The following CDC42SE1 variants were observed in gnomAD, a reference collection of about 807,000 sequenced individuals.
CDC42SE1 encodes CDC42 small effector 1, also known as CDC42 small effector protein 1.
Under a neutral mutation model 10.9 loss-of-function variants are expected in CDC42SE1, and 10 were observed. The observed-to-expected ratio is 0.92, with a 90% CI of 0.57 to 1.56. CDC42SE1 has a LOEUF of 1.56. CDC42SE1 is among the 40% of genes most tolerant of loss of function. The pLI, the probability that CDC42SE1 is intolerant of heterozygous loss-of-function variation, is 0.00. For missense variants in CDC42SE1, 81 were observed against 100.8 expected (o/e 0.80, Z 0.84); for synonymous variants, 24 against 32.0 (o/e 0.75, Z 0.85).
rs986378340 is a variant in CDC42SE1 at position 151,057,781 on chromosome 1, C to G, written c.-264+1698G>C. On this transcript the variant is annotated intron_variant, in intron 1 of 4. Transcript: ENST00000357235. This position sits in a 1 kb window ranked among gnomAD's most constrained non-coding sequence, Gnocchi z 4.0. ...TTAACAGCCTTGAGATGAGATCACA[C>G]AAACACTCAAATGTAGCTTCTAGGG... 6.6e-6 allele frequency: 1 copy of G among 150,392 alleles called. No individual in the cohort carries two copies. The highest frequency in any genetic ancestry group is 6.6e-5 in the Admixed American group (1 of 15,054). 9.3% of individuals were successfully genotyped at this position (150,392 alleles called of 1,614,324 possible).
In CDC42SE1 at chr1:151,057,185, C is replaced by T. The variant is rs1676295002; in HGVS notation, c.-263-1192G>A. On this transcript the variant is annotated intron_variant, in intron 1 of 4. Transcript: ENST00000357235. The surrounding 1 kb of genome is among the most constrained non-coding windows in gnomAD (Gnocchi z 4.0). ...CATGAACAGGAATCTCCCTTTCTTG[C>T]AGGCCGGGAACCCTGATGCTTTGGC... Among the ~76,000 whole-genome samples the T allele has an allele frequency of 6.6e-6, 1 of 152,200 alleles. No homozygotes were observed. Among genetic ancestry groups the T allele is most frequent in the African/African-American group, 2.4e-5 (1 of 41,454 alleles).
At position 151,052,749 on chromosome 1, in the gene CDC42SE1, TAGAA is replaced by T. The variant is rs1676205574; in HGVS notation, c.*591_*594del. The T allele has an allele frequency of 3.9e-5, 6 of 152,326 alleles. No individual in the cohort carries two copies. In the South Asian group the frequency reaches 1.2e-3, roughly 32 times the overall value. 9.4% of individuals were successfully genotyped at this position (152,326 alleles called of 1,614,324 possible). A position where few individuals can be genotyped will look rare whatever the true frequency, so the allele number is the denominator to read the frequency against. On this transcript the variant is annotated 3_prime_UTR_variant, in exon 5 of 5. Coordinates refer to ENST00000357235, the MANE Select transcript of CDC42SE1 (RefSeq NM_020239.4). ...AGAAACAGAAGATTAGAGGCCTAAC[TAGAA>T]AGAGACACTGGTGTTAGCAGAGAGA...
rs1156736107 is a variant in CDC42SE1, at chr1:151,052,525, G to A, written c.*819C>T. 1 of 152,576 alleles carries A rather than the reference G, an allele frequency of 6.6e-6. No individual in the cohort carries two copies. Among genetic ancestry groups the A allele is most frequent in the Non-Finnish European group, 1.5e-5 (1 of 68,042 alleles). The allele number at this position is 152,576 out of a possible 1,614,324, so 9.5% of individuals were successfully genotyped here. On this transcript the variant is annotated 3_prime_UTR_variant, in exon 5 of 5. Coordinates refer to ENST00000357235, the MANE Select transcript of CDC42SE1 (RefSeq NM_020239.4). The stretch of plus-strand genomic sequence containing the variant: ...CAGCAGGGAGGTTGGCAGAGGGCAG[G>A]AAAGATGCCCCAAAACTTAAATGGA...
intron 4 of CDC42SE1, among the ~76,000 whole-genome samples, chr1:151,053,637 A>G (rs1264626568): frequency 6.6e-6 from 1 of 152,072 alleles, no homozygotes; most frequent in Non-Finnish European, 1.5e-5. Context: ...GTGTGCCATC[A>G]TGCCTGGCTA....
At position 151,057,743 on chromosome 1, in the gene CDC42SE1, G is replaced by GT. The variant is rs1191560670; in HGVS notation, c.-264+1735dup. ...CACACACACACACACACACACAGAG[G>GT]TTTTTTTTTTTTTTAACAGCCTTGA... is the stretch of plus-strand genomic sequence containing the variant. On this transcript the variant is annotated intron_variant, in intron 1 of 4. Transcript: ENST00000357235. This position sits in a 1 kb window ranked among gnomAD's most constrained non-coding sequence, Gnocchi z 4.0. 4.3e-3 allele frequency: 547 copies of GT among 126,190 alleles called. No individual in the cohort carries two copies. Among genetic ancestry groups the GT allele is most frequent in the Non-Finnish European group, 5.3e-3 (314 of 58,884 alleles). The allele number at this position is 126,190 out of a possible 1,614,324, so 7.8% of individuals were successfully genotyped here. A position where few individuals can be genotyped will look rare whatever the true frequency, so the allele number is the denominator to read the frequency against.
chr1:151,056,554 T>C (rs185023513), intron 1 of CDC42SE1: 1 of 152,190 alleles, frequency 6.6e-6, no homozygotes, highest in East Asian at 1.9e-4. Context: ...CAATAAGGAA[T>C]TTCTTCCCTC....
rs763142809 is a variant in CDC42SE1, at chr1:151,052,072, G to A, written c.*1272C>T. ...AGATGAGTAAGATGATGAGGGTAGCGTGCCAAGCAGAAATCACTTCAGAGA... is the reference window on the plus strand; with the variant it reads ...AGATGAGTAAGATGATGAGGGTAGCATGCCAAGCAGAAATCACTTCAGAGA... On this transcript the variant is annotated 3_prime_UTR_variant, in exon 5 of 5. Transcript: ENST00000357235. The A allele has an allele frequency of 2.6e-5, 4 of 152,124 alleles. No individual in the cohort carries two copies. Among genetic ancestry groups the A allele is most frequent in the African/African-American group, 4.8e-5 (2 of 41,410 alleles). 9.4% of individuals were successfully genotyped at this position (152,124 alleles called of 1,614,324 possible).
rs57815937 is a variant in CDC42SE1, at chr1:151,057,696, AACACACACAC to A, written c.-263-1713_-263-1704del. ...GGACAAGACCCTGTCTCAAATACAA[AACACACACAC>A]ACACACACACACACACACACACACA... On this transcript the variant is annotated intron_variant, in intron 1 of 4. Transcript: ENST00000357235. The surrounding 1 kb of genome is among the most constrained non-coding windows in gnomAD (Gnocchi z 4.0). 37,108 of 138,242 alleles carry A rather than the reference AACACACACAC, an allele frequency of 0.27. 5,286 individuals are homozygous for A. The highest frequency in any genetic ancestry group is 0.3 in the Non-Finnish European group (19,597 of 65,328). 8.6% of individuals were successfully genotyped at this position (138,242 alleles called of 1,614,324 possible).
In CDC42SE1 at chr1:151,057,058, C is replaced by T. The variant is rs1397285339; in HGVS notation, c.-263-1065G>A. 2.0e-5 allele frequency among the ~76,000 whole-genome samples: 3 copies of T among 152,212 alleles called. No individual in the cohort carries two copies. Among genetic ancestry groups the T allele is most frequent in the African/African-American group, 7.2e-5 (3 of 41,450 alleles). The stretch of plus-strand genomic sequence containing the variant: ...CACTACTGCCAGCCAGGGTAGGACA[C>T]ATCTGGGTTTCTTCTTAGACTCACT... On this transcript the variant is annotated intron_variant, in intron 1 of 4. Coordinates refer to ENST00000357235, the MANE Select transcript of CDC42SE1 (RefSeq NM_020239.4). This position sits in a 1 kb window ranked among gnomAD's most constrained non-coding sequence, Gnocchi z 4.0.
At chr1:151,059,381 C>G (rs1395031311) in intron 1 of CDC42SE1, 98 bp downstream of exon 1, 1 of 152,796 alleles carries the variant, frequency 6.5e-6, no homozygotes, top group Non-Finnish European at 1.5e-5. Flanking sequence ...TCTCTGCAGC[C>G]CAGGACACCC....
chr1:151,054,371 G>T, intron 3 of CDC42SE1, 50 bp from the exon 4 acceptor site: 1 of 1,411,432 alleles, frequency 7.1e-7, no homozygotes. Flanking sequence ...ATATCCTACA[G>T]TAAGAACTCT....
intron 4 of CDC42SE1, among the ~76,000 whole-genome samples, 182 bp from the exon 5 acceptor site, chr1:151,053,509 TCTCA>T (rs1327773585): frequency 6.6e-6 from 1 of 151,988 alleles, no homozygotes; most frequent in African/African-American, 2.4e-5. Context: ...TGAGATGGAA[TCTCA>T]CTCTGTTGCC....
chr1:151,056,092 CCT>C (rs1201575282), intron 1 of CDC42SE1, 99 bp from the exon 2 acceptor site: 1 of 308,386 alleles, frequency 3.2e-6, no homozygotes, highest in Non-Finnish European at 6.3e-6. Flanking sequence ...CCCAGTCCTC[CCT>C]GAGAGGCCCT....
At position 151,055,063 on chromosome 1, in the gene CDC42SE1, T is replaced by C. The variant is rs1428839169; in HGVS notation, c.118A>G (p.Thr40Ala). Residue 40 changes from threonine (T) to alanine (A), a missense_variant, in exon 3 of 5, where the codon ACT (threonine) becomes GCT (alanine). By Grantham distance (58) the Thr-to-Ala change is moderately conservative. Coordinates refer to ENST00000357235, the MANE Select transcript of CDC42SE1 (RefSeq NM_020239.4). ...CCCATCTCCCCTGAGCCAATGTGAGTCAGGTGAACAAAATTCATTGGTTCC... is the reference window on the plus strand; with the variant it reads ...CCCATCTCCCCTGAGCCAATGTGAGCCAGGTGAACAAAATTCATTGGTTCC... ...IGEPMNFVHL[T>A]HIGSGEMGAG... The C allele has an allele frequency of 1.2e-6, 2 of 1,613,710 alleles. No homozygotes were observed. The highest frequency in any genetic ancestry group is 2.2e-5 in the East Asian group (1 of 44,852).
At position 151,051,393 on chromosome 1, in the gene CDC42SE1, GAAAAAAAAAAAAAAA is replaced by G. The variant is rs71702880; in HGVS notation, c.*1936_*1950del. 2.1e-4 allele frequency: 7 copies of G among 34,098 alleles called. No individual in the cohort carries two copies. The highest frequency in any genetic ancestry group is 5.6e-4 in the Admixed American group (1 of 1,794). The allele number at this position is 34,098 out of a possible 1,614,324, so 2.1% of individuals were successfully genotyped here. On this transcript the variant is annotated 3_prime_UTR_variant, in exon 5 of 5. Coordinates refer to ENST00000357235, the MANE Select transcript of CDC42SE1 (RefSeq NM_020239.4). ...AATGGCAGAAAATACATGGAAATTT[GAAAAAAAAAAAAAAA>G]AAAAAAAAAAAAGAACCTCAGTCAC...
In CDC42SE1 at chr1:151,053,771, C is replaced by T. The variant is rs78421039; in HGVS notation, c.*17-444G>A. 4.3e-3 allele frequency among the ~76,000 whole-genome samples: 654 copies of T among 152,148 alleles called. 15 individuals carry two copies. The highest frequency in any genetic ancestry group is 0.014 in the East Asian group (73 of 5,174). ...TGCTGGGATTATAGGCGTTAGCCAC[C>T]ATGCCCGGCCTAGATCCTACATTCT... On this transcript the variant is annotated intron_variant, in intron 4 of 4. Coordinates refer to ENST00000357235, the MANE Select transcript of CDC42SE1 (RefSeq NM_020239.4).
chr1:151,054,325 T>C lies in CDC42SE1; in HGVS notation c.166-4A>G. ...TCTGCTCCTGAACTGCACCTGTCTG[T>C]AAAAAAACAGATGCGAGACACCTTC... On this transcript the variant is annotated splice_polypyrimidine_tract_variant and splice_region_variant and intron_variant, in intron 3 of 4. Transcript: ENST00000357235. The C allele has an allele frequency of 6.2e-7, 1 of 1,610,206 alleles. No homozygotes were observed. The highest frequency in any genetic ancestry group is 2.2e-5 in the East Asian group (1 of 44,842).
In CDC42SE1 at chr1:151,053,011, A is replaced by G. The variant is rs1676211492; in HGVS notation, c.*333T>C. The G allele has an allele frequency of 1.3e-5, 2 of 152,580 alleles. No homozygotes were observed. Among genetic ancestry groups the G allele is most frequent in the African/African-American group, 4.8e-5 (2 of 41,452 alleles). 9.5% of individuals were successfully genotyped at this position (152,580 alleles called of 1,614,324 possible). ...AAGAGTTTAAAAACAGGTGGCACCC[A>G]GACCATCATTCAGGAGACAGGAACT... On this transcript the variant is annotated 3_prime_UTR_variant, in exon 5 of 5. Coordinates refer to ENST00000357235, the MANE Select transcript of CDC42SE1 (RefSeq NM_020239.4).
In CDC42SE1 at chr1:151,055,033, C is replaced by T. The variant is rs201507750; in HGVS notation, c.148G>A (p.Gly50Arg). The T allele has an allele frequency of 1.2e-5, 19 of 1,613,214 alleles. No homozygotes were observed. The highest frequency in any genetic ancestry group is 9.4e-5 in the African/African-American group (7 of 74,800). The part of the protein sequence containing the change: ...THIGSGEMGA[G>R]DGLAMTGAVQ... The stretch of plus-strand genomic sequence containing the variant: ...CTTGTTACCATGGCAAGTCCATCTC[C>T]GGCCCCCATCTCCCCTGAGCCAATG... Residue 50 changes from glycine to arginine, a missense_variant, in exon 3 of 5, where the codon GGA (glycine) becomes AGA (arginine). By Grantham distance (125) the Gly-to-Arg change is moderately radical (BLOSUM62 -2). Transcript: ENST00000357235.
Sources: allele counts gnomAD v4.1 joint callset (sites outside exome capture counted in the v4.1 genomes callset), GRCh38; gene constraint gnomAD v4.1.1; non-coding constraint Gnocchi (gnomAD v3.1); transcripts MANE v1.5; gene names NCBI Gene and HGNC (gene_info 2026-07-23, HGNC 2026-07-21).